Variants in SORCS2 observed in about 807,000 individuals in gnomAD.
The protein encoded by SORCS2 is VPS10 domain-containing receptor SorCS2.
SORCS2 carries 100 observed loss-of-function variants against 141.6 expected under a neutral mutation model. The ratio of observed to expected loss-of-function variants is 0.71; its 90% CI spans 0.60 to 0.83. The LOEUF (loss-of-function observed/expected upper bound fraction) is 0.83, where lower values mean the gene tolerates loss of function less well. Among genes scored for constraint, SORCS2 ranks in the 40% least tolerant of loss-of-function variants. The probability of loss-of-function intolerance (pLI) is 0.00; values close to 1 mark genes in which losing one functional copy is unlikely to be tolerated. For synonymous variants in SORCS2, 789 were observed against 676.9 expected (o/e 1.17, Z -2.57); for missense variants, 1,646 against 1,560.2 (o/e 1.05, Z -0.93).
intron 2 of SORCS2, among the ~76,000 whole-genome samples, chr4:7,512,636 C>G (rs143509318): frequency 1.7e-3 from 256 of 152,190 alleles, no homozygotes; most frequent in African/African-American, 5.9e-3. Context: ...ACAGGCAGGA[C>G]AGCAGAGAAG....
At chr4:7,322,418 C>T (rs1235569678) in intron 1 of SORCS2, among the ~76,000 whole-genome samples, 30 of 152,236 alleles carry the variant, frequency 2.0e-4, no homozygotes, top group Admixed American at 1.8e-3. Flanking sequence ...CTCTCACTTT[C>T]CCGGGGCCTC....
At chr4:7,353,960 C>T (rs930148325) in intron 1 of SORCS2, among the ~76,000 whole-genome samples, 1 of 152,316 alleles carries the variant, frequency 6.6e-6, no homozygotes, top group Non-Finnish European at 1.5e-5. Context: ...AAGCCCCTCC[C>T]TGTTCCCTAC....
chr4:7,249,973 G>A (rs1265092306), intron 1 of SORCS2, among the ~76,000 whole-genome samples: 1 of 152,160 alleles, frequency 6.6e-6, no homozygotes, highest in African/African-American at 2.4e-5. Flanking sequence ...TGGACGCGGT[G>A]GCTCGTGCTT....
At position 7,535,806 on chromosome 4, in the gene SORCS2, G is replaced by A. The variant is rs575879833; in HGVS notation, c.648+4177G>A. ...GGAACAGAGGCCTCACCTGGTGGCT[G>A]TGCCAGGCATGGGGGGCATTGCCCT... On this transcript the variant is annotated intron_variant, in intron 3 of 26. Coordinates refer to ENST00000507866, the MANE Select transcript of SORCS2 (RefSeq NM_020777.3). 4.2e-5 allele frequency among the ~76,000 whole-genome samples: 6 copies of A among 142,882 alleles called. No individual in the cohort carries two copies. The South Asian group carries it at 8.4e-4, about 20-fold the overall frequency. The allele number at this position is 142,882 out of a possible 152,430, so 93.7% of individuals were successfully genotyped here. A position where few individuals can be genotyped will look rare whatever the true frequency, so the allele number is the denominator to read the frequency against.
intron 2 of SORCS2, among the ~76,000 whole-genome samples, chr4:7,404,988 G>A (rs1170937041): frequency 1.3e-5 from 2 of 152,054 alleles, no homozygotes; most frequent in African/African-American, 4.8e-5. Context: ...ATAGTTTTGG[G>A]CCTTACATTA....
At chr4:7,443,473 G>A (rs751717578) in intron 2 of SORCS2, among the ~76,000 whole-genome samples, 21 of 152,204 alleles carry the variant, frequency 1.4e-4, no homozygotes, top group South Asian at 2.1e-4. Context: ...CTGAGACGCA[G>A]GGAGTTTTGG....
chr4:7,381,989 G>A, intron 1 of SORCS2: 10 of 985,728 alleles, frequency 1.0e-5, no homozygotes, highest in Non-Finnish European at 1.2e-5. Flanking sequence ...GAGGAAACAG[G>A]CAGGTGAACA....
intron 23 of SORCS2, among the ~76,000 whole-genome samples, chr4:7,731,969 A>T (rs566675932): frequency 5.3e-5 from 8 of 152,282 alleles, no homozygotes; most frequent in African/African-American, 1.9e-4. Context: ...AAACCAAGAG[A>T]CCCTTGCACA....
At chr4:7,662,483 GC>G (rs1346124031) in intron 6 of SORCS2, among the ~76,000 whole-genome samples, 1 of 152,156 alleles carries the variant, frequency 6.6e-6, no homozygotes, top group Non-Finnish European at 1.5e-5. Context: ...TCCAGGGCCT[GC>G]AACTCCTTGA....
At chr4:7,316,951 C>A (rs1036394066) in intron 1 of SORCS2, among the ~76,000 whole-genome samples, 2 of 152,132 alleles carry the variant, frequency 1.3e-5, no homozygotes, top group African/African-American at 4.8e-5. Context: ...AGAACCATCT[C>A]CCCTGACAGC....
intron 2 of SORCS2, among the ~76,000 whole-genome samples, chr4:7,501,873 C>T (rs1428446201): frequency 6.6e-6 from 1 of 152,226 alleles, no homozygotes; most frequent in African/African-American, 2.4e-5. Context: ...ATTGGAAGAA[C>T]AGTCACCCCT....
chr4:7,361,257 G>T (rs558470615), intron 1 of SORCS2, among the ~76,000 whole-genome samples: 2 of 152,346 alleles, frequency 1.3e-5, no homozygotes, highest in Admixed American at 6.5e-5. Flanking sequence ...GAGACTCCTC[G>T]TGGAAATATT....
chr4:7,456,482 G>T (rs200728581), intron 2 of SORCS2, among the ~76,000 whole-genome samples: 4 of 152,104 alleles, frequency 2.6e-5, no homozygotes, highest in Non-Finnish European at 4.4e-5. Context: ...GGGTGAGAGG[G>T]GGGGGGCCTC....
At chr4:7,434,685 G>A (rs764001954) in intron 2 of SORCS2, 82 of 1,612,736 alleles carry the variant, frequency 5.1e-5, no homozygotes, top group Admixed American at 8.4e-5. Context: ...CCTGGCATAC[G>A]TCGCAGGGCA....
At chr4:7,253,079 T>G (rs1577324124) in intron 1 of SORCS2, among the ~76,000 whole-genome samples, 1 of 152,256 alleles carries the variant, frequency 6.6e-6, no homozygotes, top group East Asian at 1.9e-4. Context: ...CCATGGCTGG[T>G]TTTTCCTAAT....
intron 1 of SORCS2, among the ~76,000 whole-genome samples, chr4:7,195,944 AG>A (rs781109606): frequency 6.4e-4 from 98 of 152,354 alleles, no homozygotes; most frequent in African/African-American, 2.0e-3. Context: ...TTACCATATC[AG>A]GTGTTCTTCA....
Position 7,401,943 on chromosome 4 carries a change from A to G in SORCS2, c.548+5588A>G, listed in dbSNP as rs189031613. On this transcript the variant is annotated intron_variant, in intron 2 of 26. Transcript: ENST00000507866. The stretch of plus-strand genomic sequence containing the variant: ...GAACATATCCTGAAAAGTACCTACC[A>G]TGGTAGGACACATGCCCAGGTACTC... Among the ~76,000 whole-genome samples the G allele has an allele frequency of 6.8e-4, 104 of 152,336 alleles. 1 individual carries two copies. The highest frequency in any genetic ancestry group is 2.4e-3 in the African/African-American group (99 of 41,568).
chr4:7,612,774 C>T (rs1718496461), intron 3 of SORCS2, among the ~76,000 whole-genome samples: 1 of 152,036 alleles, frequency 6.6e-6, no homozygotes, highest in South Asian at 2.1e-4. Context: ...AATCCCACCC[C>T]ACAGGAGCTT....
chr4:7,706,127 T>A (rs1290096881), intron 14 of SORCS2, among the ~76,000 whole-genome samples: 2 of 136,664 alleles, frequency 1.5e-5, no homozygotes, highest in Non-Finnish European at 3.2e-5. Context: ...GGGATGAGGC[T>A]GGGCTCCGCC....
Sources: gnomAD v4.1 joint callset for allele counts (sites outside exome capture counted in the v4.1 genomes callset) on GRCh38, gnomAD v4.1.1 for gene constraint, MANE v1.5 for transcripts, NCBI Gene and HGNC (gene_info 2026-07-23, HGNC 2026-07-21) for gene names.